Variants in SSBP1 observed in about 807,000 individuals in gnomAD.
SSBP1 encodes the protein single stranded DNA binding protein 1.
A neutral mutation model predicts 27.0 loss-of-function variants in SSBP1; 20 were observed. The observed-to-expected ratio is 0.74, with a 90% CI of 0.52 to 1.08. The LOEUF (loss-of-function observed/expected upper bound fraction) is 1.08, where lower values mean the gene tolerates loss of function less well. Among genes scored for constraint, SSBP1 ranks in the 50% least tolerant of loss-of-function variants. The pLI, the probability that SSBP1 is intolerant of heterozygous loss-of-function variation, is 0.00. For synonymous variants in SSBP1, 59 were observed against 59.3 expected, an observed-to-expected ratio of 1.00 and a Z score of 0.02; for missense variants, 137 against 182.4, an observed-to-expected ratio of 0.75 and a Z score of 1.44.
chr7:141,747,383 ATTTTTTTTTT>A (rs1320451586), intron 6 of SSBP1, among the ~76,000 whole-genome samples: 1 of 94,466 alleles, frequency 1.1e-5, no homozygotes, highest in African/African-American at 4.0e-5. Context: ...CCCAAATTAG[ATTTTTTTTTT>A]TTTTTTTTTT....
At position 141,749,671 on chromosome 7, in the gene SSBP1, A is replaced by G. The variant is rs1396551531; in HGVS notation, c.404-640A>G. ...GTGGTGCACACCTATAATCCCAGCT[A>G]CTGGAGAGGCTGAGGCAGGAGAATC... is the stretch of plus-strand genomic sequence containing the variant. On this transcript the variant is annotated intron_variant, in intron 6 of 6. Coordinates refer to ENST00000265304, the MANE Select transcript of SSBP1 (RefSeq NM_003143.3). 9.9e-5 allele frequency among the ~76,000 whole-genome samples: 15 copies of G among 152,180 alleles called. 1 individual carries two copies. Among genetic ancestry groups the G allele is most frequent in the Non-Finnish European group, 7.4e-5 (5 of 68,024 alleles).
At chr7:141,749,972 C>T (rs1159204313) in intron 6 of SSBP1, among the ~76,000 whole-genome samples, 2 of 152,176 alleles carry the variant, frequency 1.3e-5, no homozygotes, top group Non-Finnish European at 2.9e-5. Context: ...GATGTGCTGC[C>T]TAGTGTCGTG....
chr7:141,744,404 G>A (rs1470796235), intron 5 of SSBP1, among the ~76,000 whole-genome samples: 1 of 152,180 alleles, frequency 6.6e-6, no homozygotes, highest in African/African-American at 2.4e-5. Flanking sequence ...CAGAGGATCT[G>A]GAATGTCTGA....
At chr7:141,745,736 T>A in intron 6 of SSBP1, 152 bp downstream of exon 6, 1 of 1,375,022 alleles carries the variant, frequency 7.3e-7, no homozygotes, top group Non-Finnish European at 9.4e-7. Context: ...ATTTCTCTAC[T>A]TGCTAAGAGT....
At position 141,744,002 on chromosome 7, in the gene SSBP1, G is replaced by C; in HGVS notation, c.314+13G>C. ...ATGTGAAAAAGGGGTAAGTTGAAGA[G>C]GGAAGGATCTTATGAATTGAATGAT... On this transcript the variant is annotated intron_variant, in intron 5 of 6. Transcript: ENST00000265304. 1 of 1,605,022 alleles carries C rather than the reference G, an allele frequency of 6.2e-7. No individual in the cohort carries two copies. Among genetic ancestry groups the C allele is most frequent in the Non-Finnish European group, 8.5e-7 (1 of 1,176,462 alleles).
intron 2 of SSBP1, chr7:141,739,784 C>T (rs1799450476): frequency 2.0e-5 from 3 of 152,158 alleles, no homozygotes; most frequent in African/African-American, 7.2e-5. Flanking sequence ...TCTCCTACTC[C>T]CCATCCTCCT....
intron 6 of SSBP1, among the ~76,000 whole-genome samples, chr7:141,749,416 G>A (rs1347508695): frequency 3.3e-5 from 5 of 152,158 alleles, no homozygotes; most frequent in Non-Finnish European, 7.3e-5. Context: ...TAAGAGCAAC[G>A]TCTGATATTT....
At chr7:141,738,748 C>T (rs747320692) in intron 1 of SSBP1, 4 of 159,798 alleles carry the variant, frequency 2.5e-5, no homozygotes, top group Admixed American at 6.5e-5. Context: ...GGAGGCCTTA[C>T]TATGCATTAA....
chr7:141,744,093 A>G, intron 5 of SSBP1, 104 bp downstream of exon 5: 1 of 920,534 alleles, frequency 1.1e-6, no homozygotes, highest in Non-Finnish European at 1.6e-6. Context: ...CCTGAGTACT[A>G]CTAATGACTG....
chr7:141,741,885 A>G, intron 2 of SSBP1: 1 of 836,590 alleles, frequency 1.2e-6, no homozygotes, highest in Non-Finnish European at 1.6e-6. Context: ...CAGAAGTGCC[A>G]TAATCAAGGA....
At chr7:141,744,688 C>T (rs1424256448) in intron 5 of SSBP1, among the ~76,000 whole-genome samples, 1 of 152,144 alleles carries the variant, frequency 6.6e-6, no homozygotes, top group Non-Finnish European at 1.5e-5. Context: ...TATAGCTTTT[C>T]TTCCTATGTA....
At chr7:141,748,881 A>G (rs1397102083) in intron 6 of SSBP1, among the ~76,000 whole-genome samples, 1 of 152,236 alleles carries the variant, frequency 6.6e-6, no homozygotes, top group East Asian at 1.9e-4. Context: ...CCACAGTGAT[A>G]TTAATTCGAG....
At chr7:141,749,833 A>T (rs141266189) in intron 6 of SSBP1, among the ~76,000 whole-genome samples, 1 of 152,222 alleles carries the variant, frequency 6.6e-6, no homozygotes, top group African/African-American at 2.4e-5. Flanking sequence ...AATTTCTTCT[A>T]TTTGAATTTT....
At chr7:141,743,120 T>C (rs754204720) in intron 3 of SSBP1, among the ~76,000 whole-genome samples, 7 of 152,258 alleles carry the variant, frequency 4.6e-5, no homozygotes, top group Non-Finnish European at 8.8e-5. Context: ...CCCAAAGTGC[T>C]GGGATTACAG....
At chr7:141,744,013 T>A in intron 5 of SSBP1, 24 bp downstream of exon 5, 1 of 1,593,778 alleles carries the variant, frequency 6.3e-7, no homozygotes, top group East Asian at 2.2e-5. Context: ...GGAAGGATCT[T>A]ATGAATTGAA....
At chr7:141,746,110 T>G (rs571154471) in intron 6 of SSBP1, 1 of 361,870 alleles carries the variant, frequency 2.8e-6, no homozygotes, top group East Asian at 1.6e-4. Context: ...AACCTCTGTC[T>G]CCTGGATTCA....
intron 6 of SSBP1, among the ~76,000 whole-genome samples, chr7:141,749,027 T>G (rs1799879976): frequency 6.6e-6 from 1 of 152,210 alleles, no homozygotes. Context: ...GGAAATGCAG[T>G]CATTCCTCCA....
At chr7:141,743,192 T>TA (rs1799630014) in intron 3 of SSBP1, among the ~76,000 whole-genome samples, 2 of 152,174 alleles carry the variant, frequency 1.3e-5, no homozygotes, top group Non-Finnish European at 2.9e-5. Context: ...GAGGCTGCTA[T>TA]AAAAAAATAC....
intron 5 of SSBP1, among the ~76,000 whole-genome samples, chr7:141,744,948 C>T (rs1799718542): frequency 6.6e-6 from 1 of 151,958 alleles, no homozygotes; most frequent in African/African-American, 2.4e-5. Context: ...TCTAGTTTAG[C>T]CTCTAGATAG....
Sources: allele counts gnomAD v4.1 joint callset (sites outside exome capture counted in the v4.1 genomes callset), GRCh38; gene constraint gnomAD v4.1.1; transcripts MANE v1.5; gene names NCBI Gene and HGNC (gene_info 2026-07-23, HGNC 2026-07-21).